A2M: variants seen among roughly 807,000 people sequenced by gnomAD.
The protein encoded by A2M is C3 and PZP-like alpha-2-macroglobulin domain-containing protein 5.
Under a neutral mutation model 183.9 loss-of-function variants are expected in A2M, and 128 were observed. That is an observed-to-expected ratio of 0.70 (90% CI 0.60 to 0.81). The LOEUF (loss-of-function observed/expected upper bound fraction) is 0.81, where lower values mean the gene tolerates loss of function less well. A2M is among the 30% of genes least tolerant of loss of function. The probability of loss-of-function intolerance (pLI) is 0.00; values close to 1 mark genes in which losing one functional copy is unlikely to be tolerated. For synonymous variants in A2M, 592 were observed against 670.8 expected, an observed-to-expected ratio of 0.88 and a Z score of 1.81; for missense variants, 1,495 against 1,787.6, an observed-to-expected ratio of 0.84 and a Z score of 2.95.
rs769231051 is a variant in A2M, at chr12:9,079,279, A to G, written c.3084T>C (p.Phe1028=). Residue 1028 remains phenylalanine (F), a synonymous_variant, in exon 25 of 36, where the codon TTT becomes TTC. Transcript: ENST00000318602. Reference sequence around the variant, plus strand: ...CCTGGTTCCTGCCATATCGCTCCCCAAAGGTGCTGTAGGAGCCATCATAGT... The same window carrying G: ...CCTGGTTCCTGCCATATCGCTCCCCGAAGGTGCTGTAGGAGCCATCATAGT... The part of the protein sequence containing the change: ...YKHYDGSYST[F]GERYGRNQGN... 6.2e-6 allele frequency: 10 copies of G among 1,613,650 alleles called. No homozygotes were observed. In the East Asian group the frequency reaches 6.7e-5, roughly 11 times the overall value.
intron 8 of A2M, among the ~76,000 whole-genome samples, 153 bp from the exon 9 acceptor site, chr12:9,106,758 A>T (rs550153084): frequency 2.6e-5 from 4 of 152,194 alleles, no homozygotes; most frequent in Non-Finnish European, 5.9e-5. Flanking sequence ...GCAACTAAAT[A>T]TTAAATTTCA....
intron 19 of A2M, 117 bp downstream of exon 19, chr12:9,091,084 A>T (rs1949197839): frequency 7.9e-7 from 1 of 1,272,816 alleles, no homozygotes; most frequent in Non-Finnish European, 1.1e-6. Context: ...TAACTTTTAC[A>T]ATCATGAATA....
At chr12:9,081,183 A>G (rs1446817425) in intron 22 of A2M, among the ~76,000 whole-genome samples, 1 of 152,236 alleles carries the variant, frequency 6.6e-6, no homozygotes, top group East Asian at 1.9e-4. Flanking sequence ...ACTACTCAAA[A>G]GACAAATAGC....
At chr12:9,071,130 A>G (rs1948563684) in intron 31 of A2M, among the ~76,000 whole-genome samples, 2 of 152,194 alleles carry the variant, frequency 1.3e-5, no homozygotes. Context: ...GAGGATCTGC[A>G]TTTTAAGAAA....
chr12:9,106,581 G>A lies in A2M; in HGVS notation c.904C>T (p.Gln302Ter). The A allele has an allele frequency of 6.3e-7, 1 of 1,582,744 alleles. No homozygotes were observed. The highest frequency in any genetic ancestry group is 8.6e-7 in the Non-Finnish European group (1 of 1,161,376). The change falls in exon 9 of 36, where the codon CAG becomes TAG. Residue 302 changes from glutamine (Q) to a stop codon, truncating the protein, a stop_gained. Transcript: ENST00000318602. LOFTEE classifies it high-confidence loss of function. ...TGGAAGACCTTGGTTTTTACTTGCT[G>A]ATAGAAGCAGCCATGGCTGTTTAGC... ...GQLNSHGCFYQQVKTKVFQLK... is the reference protein window; with the variant it reads ...GQLNSHGCFY
At chr12:9,068,587 A>T in intron 34 of A2M, among the ~76,000 whole-genome samples, 153 bp downstream of exon 34, 1 of 152,206 alleles carries the variant, frequency 6.6e-6, no homozygotes, top group East Asian at 1.9e-4. Flanking sequence ...ATGTATGTAT[A>T]AGAGACAAAA....
At chr12:9,098,449 T>TATATATAA (rs202027484) in intron 15 of A2M, 158 bp downstream of exon 15, 62 of 381,456 alleles carry the variant, frequency 1.6e-4, no homozygotes, top group African/African-American at 1.4e-3. Flanking sequence ...TATATATATA[T>TATATATAA]AATTCCTTAC....
At chr12:9,067,883 C>A in intron 35 of A2M, 44 bp from the exon 36 acceptor site, 1 of 1,584,428 alleles carries the variant, frequency 6.3e-7, no homozygotes, top group Non-Finnish European at 8.6e-7. Context: ...ATTTGGGTCT[C>A]CATGAGCAGA....
Position 9,068,742 on chromosome 12 carries a change from G to A in A2M, c.4364C>T (p.Thr1455Met), listed in dbSNP as rs376343602. Residue 1455 changes from threonine to methionine, a missense_variant and splice_region_variant, in exon 34 of 36, where the codon ACG (threonine) becomes ATG (methionine). Physicochemically the swap from Thr to Met is moderately conservative, Grantham distance 81 (BLOSUM62 -1). Coordinates refer to ENST00000318602, the MANE Select transcript of A2M (RefSeq NM_000014.6). ...AIVKVYDYYE[T>M]DEFAIAEYNA... ...ACGTGAAAATCACTCTCACTCACCCGTCTCGTAGTAATCATAGACTTTCAC... is the reference window on the plus strand; with the variant it reads ...ACGTGAAAATCACTCTCACTCACCCATCTCGTAGTAATCATAGACTTTCAC... 3.8e-5 allele frequency: 60 copies of A among 1,595,520 alleles called. No individual in the cohort carries two copies. Among genetic ancestry groups the A allele is most frequent in the Non-Finnish European group, 4.6e-5 (54 of 1,168,850 alleles).
chr12:9,093,044 A>G (rs969890357), intron 18 of A2M, among the ~76,000 whole-genome samples: 1 of 152,212 alleles, frequency 6.6e-6, no homozygotes, highest in African/African-American at 2.4e-5. Context: ...GTGGATGCTA[A>G]AAGAAGTTGA....
intron 4 of A2M, chr12:9,111,642 G>T (rs1282741740): frequency 1.2e-5 from 5 of 412,734 alleles, no homozygotes; most frequent in African/African-American, 2.1e-5. Flanking sequence ...CTCTTTTTGA[G>T]ATAAGAAAAT....
chr12:9,107,431 T>C (rs1938378905), intron 8 of A2M, 93 bp downstream of exon 8: 2 of 1,458,726 alleles, frequency 1.4e-6, no homozygotes, highest in Non-Finnish European at 1.9e-6. Flanking sequence ...TCTTCTAGAT[T>C]GTTCTCTTCC....
In A2M at chr12:9,109,368, C is replaced by T; in HGVS notation, c.711G>A (p.Lys237=). Residue 237 remains lysine, a synonymous_variant, in exon 7 of 36, where the codon AAG becomes AAA. Transcript: ENST00000318602. Reference sequence around the variant, plus strand: ...TCTCTTCTTCCAAGATGGTGATTATCTTTGGCACTGTTACTTGTACTTCAA... The same window carrying T: ...TCTCTTCTTCCAAGATGGTGATTATTTTTGGCACTGTTACTTGTACTTCAA... The part of the protein sequence containing the change: ...PKFEVQVTVP[K]IITILEEEMN... 1 of 1,613,542 alleles carries T rather than the reference C, an allele frequency of 6.2e-7. No homozygotes were observed. The highest frequency in any genetic ancestry group is 8.5e-7 in the Non-Finnish European group (1 of 1,179,654).
chr12:9,080,224 TA>T (rs770437641), intron 22 of A2M, 47 bp from the exon 23 acceptor site: 1 of 1,334,554 alleles, frequency 7.5e-7, no homozygotes, highest in Non-Finnish European at 1.1e-6. Flanking sequence ...TTCTGCATTA[TA>T]TCTTTCTAAA....
intron 14 of A2M, 78 bp downstream of exon 14, chr12:9,099,303 T>C: frequency 7.2e-7 from 1 of 1,397,590 alleles, no homozygotes; most frequent in Non-Finnish European, 9.9e-7. Context: ...GCCCTAATGT[T>C]CACATGTGTA....
intron 18 of A2M, among the ~76,000 whole-genome samples, chr12:9,092,315 G>A (rs1443998548): frequency 1.3e-5 from 2 of 152,152 alleles, no homozygotes; most frequent in Non-Finnish European, 2.9e-5. Flanking sequence ...CTAGCTCCAG[G>A]AGTAGATGGA....
In A2M at chr12:9,104,921, A is replaced by G. The variant is rs748465054; in HGVS notation, c.1105-521T>C. 3.3e-5 allele frequency among the ~76,000 whole-genome samples: 5 copies of G among 152,288 alleles called. No individual in the cohort carries two copies. The South Asian group carries it at 6.2e-4, about 19-fold the overall frequency. ...TGCACAAGTAAACAATTGCCAATAC[A>G]TTGTCCTGTGTGTTTCTCCAGTTGC... On this transcript the variant is annotated intron_variant, in intron 10 of 35. Coordinates refer to ENST00000318602, the MANE Select transcript of A2M (RefSeq NM_000014.6).
chr12:9,104,050 C>T (rs1175737106), intron 11 of A2M, among the ~76,000 whole-genome samples, 189 bp downstream of exon 11: 10 of 152,184 alleles, frequency 6.6e-5, no homozygotes, highest in Non-Finnish European at 1.2e-4. Flanking sequence ...AAGTCTAACC[C>T]GCACTTTTAA....
intron 10 of A2M, 41 bp downstream of exon 10, chr12:9,106,195 A>C (rs1458932733): frequency 1.7e-6 from 2 of 1,183,264 alleles, no homozygotes; most frequent in Non-Finnish European, 2.5e-6. Context: ...CTAATTAGGT[A>C]ACAGTACATG....
Sources: allele counts gnomAD v4.1 joint callset (sites outside exome capture counted in the v4.1 genomes callset), GRCh38; gene constraint gnomAD v4.1.1; transcripts MANE v1.5; gene names NCBI Gene and HGNC (gene_info 2026-07-23, HGNC 2026-07-21).